Variants in DCAF1 observed in about 807,000 individuals in gnomAD.
DCAF1 encodes DDB1 and CUL4 associated factor 1.
Under a neutral mutation model 128.0 loss-of-function variants are expected in DCAF1, and 15 were observed. The observed-to-expected ratio is 0.12, with a 90% CI of 0.08 to 0.18. The LOEUF is 0.18. Ranked by LOEUF, DCAF1 falls within the 10% of genes least tolerant of loss-of-function variation. DCAF1 has a pLI of 1.00. For missense variants in DCAF1, 988 were observed against 1,649.5 expected (o/e 0.60, Z 6.95); for synonymous variants, 610 against 603.0 (o/e 1.01, Z -0.17).
At chr3:51,475,516 G>A (rs986777958) in intron 3 of DCAF1, among the ~76,000 whole-genome samples, 1 of 152,178 alleles carries the variant, frequency 6.6e-6, no homozygotes, top group Non-Finnish European at 1.5e-5. Context: ...ACTGAGACTG[G>A]AAGACGGCTT....
Position 51,427,396 on chromosome 3 carries a change from C to A in DCAF1, c.1823G>T (p.Cys608Phe), listed in dbSNP as rs782253500. ...QLLLQLISIA[C>F]NWKTYYARND... ...CCTTGCATAATAGGTCTTCCAATTG[C>A]AGGCAATAGAAATAAGCTGCAACAA... The change falls in exon 13 of 25, where the codon TGC (cysteine) becomes TTC (phenylalanine). Residue 608 changes from cysteine to phenylalanine, a missense_variant. By Grantham distance (205) the Cys-to-Phe change is radical (BLOSUM62 -2). This residue lies in a region of DCAF1 where 185 missense variants were observed against 248.1 expected (regional missense o/e 0.75). Transcript: ENST00000684031. The A allele has an allele frequency of 2.6e-6, 2 of 766,804 alleles. No individual in the cohort carries two copies. The highest frequency in any genetic ancestry group is 4.8e-6 in the Non-Finnish European group (2 of 413,360). 47.5% of individuals were successfully genotyped at this position (766,804 alleles called of 1,614,324 possible). A position where few individuals can be genotyped will look rare whatever the true frequency, so the allele number is the denominator to read the frequency against.
rs181895033 is a variant in DCAF1 at position 51,431,611 on chromosome 3, C to T, written c.1288-1399G>A. On this transcript the variant is annotated intron_variant, in intron 10 of 24. Coordinates refer to ENST00000684031, the MANE Select transcript of DCAF1 (RefSeq NM_001387579.1). ...GAAAACCTCTCTGCAGCCCTAGGAA[C>T]AGTTGGGATGGTTTTATTATCTCCA... Among the ~76,000 whole-genome samples the T allele has an allele frequency of 1.5e-3, 222 of 150,854 alleles. 2 individuals carry two copies. The highest frequency in any genetic ancestry group is 6.3e-4 in the Non-Finnish European group (43 of 67,764).
chr3:51,488,432 C>T (rs958258384), intron 2 of DCAF1, among the ~76,000 whole-genome samples: 14 of 151,996 alleles, frequency 9.2e-5, no homozygotes, highest in Non-Finnish European at 1.9e-4. Flanking sequence ...AATCCCAGCA[C>T]TTTGGGAGGC....
intron 9 of DCAF1, chr3:51,440,280 T>C (rs1220834663): frequency 1.5e-5 from 6 of 392,272 alleles, no homozygotes; most frequent in Admixed American, 3.5e-5. Context: ...TGCAGAGAAA[T>C]TACATGCTAA....
At chr3:51,475,850 G>C (rs900115559) in intron 3 of DCAF1, among the ~76,000 whole-genome samples, 4 of 151,138 alleles carry the variant, frequency 2.6e-5, no homozygotes, top group Admixed American at 2.6e-4. Flanking sequence ...GACAGAGCGA[G>C]ACTATGTCTC....
intron 6 of DCAF1, among the ~76,000 whole-genome samples, chr3:51,461,456 T>C (rs1239091036): frequency 6.6e-6 from 1 of 152,154 alleles, no homozygotes; most frequent in South Asian, 2.1e-4. Flanking sequence ...ACTTTTACAC[T>C]GTTGGTGGGA....
chr3:51,443,047 T>A (rs1436285281), intron 7 of DCAF1, among the ~76,000 whole-genome samples: 3 of 151,668 alleles, frequency 2.0e-5, no homozygotes, highest in Non-Finnish European at 4.4e-5. Flanking sequence ...AACGTGCACA[T>A]CCTGCAGAAG....
In DCAF1 at chr3:51,403,288, GTCC is replaced by G; in HGVS notation, c.4317_4319del (p.Glu1439del). On this transcript the variant is annotated inframe_deletion, in exon 24 of 25. Transcript: ENST00000684031. ...CTTCCCCTGCGTTCTCATTATTGTC[GTCC>G]TCCTCCAACTCCGCCTCCAGCAACT... The G allele has an allele frequency of 6.2e-7, 1 of 1,601,410 alleles. No individual in the cohort carries two copies. Among genetic ancestry groups the G allele is most frequent in the Non-Finnish European group, 8.5e-7 (1 of 1,174,060 alleles).
intron 18 of DCAF1, among the ~76,000 whole-genome samples, chr3:51,416,565 T>C (rs1336265900): frequency 6.6e-6 from 1 of 152,200 alleles, no homozygotes; most frequent in Non-Finnish European, 1.5e-5. Flanking sequence ...TTCAAAAATA[T>C]CTGTGGTGCT....
chr3:51,449,483 A>G (rs1340586414), intron 6 of DCAF1, among the ~76,000 whole-genome samples: 1 of 152,246 alleles, frequency 6.6e-6, no homozygotes, highest in Non-Finnish European at 1.5e-5. Flanking sequence ...CTGGGATTAC[A>G]GGCGTGAGCC....
intron 9 of DCAF1, among the ~76,000 whole-genome samples, chr3:51,440,392 G>A (rs1559513050): frequency 6.6e-6 from 1 of 152,116 alleles, no homozygotes; most frequent in Non-Finnish European, 1.5e-5. Flanking sequence ...CAGAAGGATT[G>A]CTTCAGTCCA....
In DCAF1 at chr3:51,426,269, G is replaced by A. The variant is rs530717338; in HGVS notation, c.1847+1103C>T. On this transcript the variant is annotated intron_variant, in intron 13 of 24. Transcript: ENST00000684031. ...CTGTCGCCTAGGCTGGAGTACAGTG[G>A]CGTGATCTCAGCTCCCTGCAACCTC... Among the ~76,000 whole-genome samples the A allele has an allele frequency of 2.5e-4, 38 of 152,086 alleles. No homozygotes were observed. In the South Asian group the frequency reaches 7.1e-3, roughly 28 times the overall value.
At chr3:51,480,671 TC>T (rs1160693344) in intron 3 of DCAF1, among the ~76,000 whole-genome samples, 1 of 148,296 alleles carries the variant, frequency 6.7e-6, no homozygotes, top group Non-Finnish European at 1.5e-5. Context: ...AAAGAGGCCA[TC>T]CTCCTTTTTC....
In DCAF1 at chr3:51,425,559, CTT is replaced by C. The variant is rs782117372; in HGVS notation, c.1847+1811_1847+1812del. ...TTCTAGTTATCTTGTAAGCTGTCATCTTTTTTTTTTTTTTTTTTTTGGAGACA... is the reference window on the plus strand; with the variant it reads ...TTCTAGTTATCTTGTAAGCTGTCATCTTTTTTTTTTTTTTTTTTGGAGACA... On this transcript the variant is annotated intron_variant, in intron 13 of 24. Coordinates refer to ENST00000684031, the MANE Select transcript of DCAF1 (RefSeq NM_001387579.1). Among the ~76,000 whole-genome samples the C allele has an allele frequency of 1.2e-3, 121 of 96,828 alleles. 1 individual carries two copies. The highest frequency in any genetic ancestry group is 4.7e-3 in the African/African-American group (116 of 24,440). The allele number at this position is 96,828 out of a possible 152,430, so 63.5% of individuals were successfully genotyped here.
upstream of DCAF1, among the ~76,000 whole-genome samples, chr3:51,501,826 T>C (rs1553664419): frequency 6.6e-6 from 1 of 152,154 alleles, no homozygotes; most frequent in East Asian, 1.9e-4. Flanking sequence ...TAATGGCCAG[T>C]ACCATTTCTT....
At chr3:51,408,668 G>A (rs1175598382) in intron 23 of DCAF1, among the ~76,000 whole-genome samples, 2 of 152,188 alleles carry the variant, frequency 1.3e-5, no homozygotes, top group Non-Finnish European at 2.9e-5. Flanking sequence ...CAAGATTCTA[G>A]AAGGAGCATG....
intron 5 of DCAF1, among the ~76,000 whole-genome samples, chr3:51,464,693 AG>A (rs1290685769): frequency 1.6e-4 from 25 of 151,794 alleles, no homozygotes; most frequent in Admixed American, 3.9e-4. Context: ...AAAAAAAAAA[AG>A]ATGTGTAATT....
Position 51,398,596 on chromosome 3 carries a change from T to C in DCAF1, c.*173A>G, listed in dbSNP as rs957012477. On this transcript the variant is annotated 3_prime_UTR_variant, in exon 25 of 25. Coordinates refer to ENST00000684031, the MANE Select transcript of DCAF1 (RefSeq NM_001387579.1). ...TCATTTTTGTGGTGGTTATTGATTC[T>C]GGAAGGACCCTCGGGTGCCAATGAG... 4 of 784,738 alleles carry C rather than the reference T, an allele frequency of 5.1e-6. No homozygotes were observed. Among genetic ancestry groups the C allele is most frequent in the Non-Finnish European group, 8.0e-6 (4 of 502,420 alleles). The allele number at this position is 784,738 out of a possible 1,614,324, so 48.6% of individuals were successfully genotyped here.
intron 5 of DCAF1, among the ~76,000 whole-genome samples, chr3:51,465,936 C>A (rs542965350): frequency 6.6e-6 from 1 of 151,884 alleles, no homozygotes; most frequent in Non-Finnish European, 1.5e-5. Flanking sequence ...CAGTGGTTCA[C>A]GTCTGTAATC....
Sources: gnomAD v4.1 joint callset for allele counts (sites outside exome capture counted in the v4.1 genomes callset) on GRCh38, gnomAD v4.1.1 for gene constraint, gnomAD v4.1.1 regional missense constraint, MANE v1.5 for transcripts, NCBI Gene and HGNC (gene_info 2026-07-23, HGNC 2026-07-21) for gene names.